The following GALNT18 variants were observed in gnomAD, a reference collection of about 807,000 sequenced individuals.
GALNT18 encodes the protein polypeptide N-acetylgalactosaminyltransferase 18, also known as GalNAc-transferase 18.
GALNT18 carries 44 observed loss-of-function variants against 69.5 expected under a neutral mutation model. The observed-to-expected ratio is 0.63, with a 90% confidence interval of 0.50 to 0.81. The LOEUF (loss-of-function observed/expected upper bound fraction) is 0.81. Among genes scored for constraint, GALNT18 ranks in the 40% least tolerant of loss-of-function variants. GALNT18 has a pLI of 0.00. For synonymous variants in GALNT18, 364 were observed against 318.2 expected (o/e 1.14, Z -1.53); for missense variants, 715 against 810.0 (o/e 0.88, Z 1.42).
At chr11:11,468,160 G>A (rs1288664329) in intron 1 of GALNT18, among the ~76,000 whole-genome samples, 1 of 152,182 alleles carries the variant, frequency 6.6e-6, no homozygotes, top group Admixed American at 6.5e-5. Context: ...CCTTCTTTCA[G>A]ATGTAGTAAT....
chr11:11,333,531 A>T (rs1850055485), intron 7 of GALNT18, among the ~76,000 whole-genome samples: 1 of 152,042 alleles, frequency 6.6e-6, no homozygotes, highest in African/African-American at 2.4e-5. Flanking sequence ...AACCCAATTA[A>T]CCTGGGTCTA....
intron 6 of GALNT18, among the ~76,000 whole-genome samples, chr11:11,369,774 T>C (rs1008501658): frequency 6.6e-6 from 1 of 152,132 alleles, no homozygotes; most frequent in Non-Finnish European, 1.5e-5. Context: ...TAGTAGCTCC[T>C]TCCTTTTTCT....
intron 3 of GALNT18, among the ~76,000 whole-genome samples, chr11:11,388,219 G>A (rs1333541153): frequency 6.6e-6 from 1 of 152,086 alleles, no homozygotes; most frequent in East Asian, 1.9e-4. Flanking sequence ...GTCACAGTAG[G>A]GCATTCGTGG....
rs1001294092 is a variant in GALNT18, at chr11:11,606,819, T to C, written c.235+14540A>G. ...TTCAAATCAGGATCCCTAGACCCTA[T>C]CCAGGGCCTCCAGGACCCAGTAGAG... On this transcript the variant is annotated intron_variant, in intron 1 of 10. Transcript: ENST00000227756. This position sits in a 1 kb window ranked among gnomAD's most constrained non-coding sequence, Gnocchi z 5.4. Among the ~76,000 whole-genome samples, 11 of 152,312 alleles carry C rather than the reference T, an allele frequency of 7.2e-5. No individual in the cohort carries two copies. The highest frequency in any genetic ancestry group is 2.6e-4 in the African/African-American group (11 of 41,568).
rs1859711339 is a variant in GALNT18, at chr11:11,604,876, A to G, written c.235+16483T>C. 6.6e-6 allele frequency among the ~76,000 whole-genome samples: 1 copy of G among 152,118 alleles called. No homozygotes were observed. Among genetic ancestry groups the G allele is most frequent in the African/African-American group, 2.4e-5 (1 of 41,420 alleles). On this transcript the variant is annotated intron_variant, in intron 1 of 10. Coordinates refer to ENST00000227756, the MANE Select transcript of GALNT18 (RefSeq NM_198516.3). The surrounding 1 kb of genome is among the most constrained non-coding windows in gnomAD (Gnocchi z 5.6). The stretch of plus-strand genomic sequence containing the variant: ...AGGCTACACAATCTGTTTGAAATGA[A>G]AAGGAAAATAAAATCACTGCTCTCC...
Position 11,388,072 on chromosome 11 carries a change from C to T in GALNT18, c.596-8808G>A, listed in dbSNP as rs180982349. On this transcript the variant is annotated intron_variant, in intron 3 of 10. Transcript: ENST00000227756. Reference sequence around the variant, plus strand: ...GCCTTAAATAGTTCCCTTACTCAGGCTACAGGGTTCAGGCACACAGTGTTA... The same window carrying T: ...GCCTTAAATAGTTCCCTTACTCAGGTTACAGGGTTCAGGCACACAGTGTTA... Among the ~76,000 whole-genome samples the T allele has an allele frequency of 6.6e-5, 10 of 152,342 alleles. No individual in the cohort carries two copies. The East Asian group carries it at 1.3e-3, about 21-fold the overall frequency.
At chr11:11,609,314 G>A (rs969563518) in intron 1 of GALNT18, among the ~76,000 whole-genome samples, 2 of 151,550 alleles carry the variant, frequency 1.3e-5, no homozygotes, top group Admixed American at 6.6e-5. Context: ...TGCTCTAGCC[G>A]CACTGGCCAC....
In GALNT18 at chr11:11,271,280, A is replaced by G; in HGVS notation, c.1688T>C (p.Ile563Thr). 1 of 1,613,926 alleles carries G rather than the reference A, an allele frequency of 6.2e-7. No homozygotes were observed. The highest frequency in any genetic ancestry group is 8.5e-7 in the Non-Finnish European group (1 of 1,179,860). ...LHWQFSQGGP[I>T]QNRKSKRCLE... ...ACAGCGCTTAGACTTGCGGTTCTGG[A>G]TGGGTCCTCCCTAGGGGCCAGGGCA... is the stretch of plus-strand genomic sequence containing the variant. The change falls in exon 11 of 11, where the codon ATC becomes ACC. Residue 563 changes from isoleucine to threonine, a missense_variant. Coordinates refer to ENST00000227756, the MANE Select transcript of GALNT18 (RefSeq NM_198516.3).
chr11:11,407,323 G>C (rs182757012), intron 3 of GALNT18, among the ~76,000 whole-genome samples: 1 of 152,158 alleles, frequency 6.6e-6, no homozygotes. Context: ...GTGCTGAATC[G>C]CTGAAAGCAC....
intron 9 of GALNT18, among the ~76,000 whole-genome samples, chr11:11,317,025 C>T (rs1299869428): frequency 6.6e-6 from 1 of 152,148 alleles, no homozygotes; most frequent in East Asian, 1.9e-4. Context: ...TGTATGTTTC[C>T]CACCAGAAGA....
At position 11,465,163 on chromosome 11, in the gene GALNT18, G is replaced by A. The variant is rs1856129255; in HGVS notation, c.236-16227C>T. Among the ~76,000 whole-genome samples the A allele has an allele frequency of 6.6e-6, 1 of 152,188 alleles. No homozygotes were observed. Among genetic ancestry groups the A allele is most frequent in the Non-Finnish European group, 1.5e-5 (1 of 68,044 alleles). ...GGGCGAGGTGCCTTGGGATGCCTGA[G>A]GAAGGTCTGTTCCCAGATCCTCAGC... is the stretch of plus-strand genomic sequence containing the variant. On this transcript the variant is annotated intron_variant, in intron 1 of 10. Transcript: ENST00000227756. The surrounding 1 kb of genome is among the most constrained non-coding windows in gnomAD (Gnocchi z 5.7).
At chr11:11,353,197 G>A (rs139538538) in intron 6 of GALNT18, 3 of 1,572,276 alleles carry the variant, frequency 1.9e-6, no homozygotes, top group East Asian at 4.5e-5. Context: ...CAGCTTGGGG[G>A]TAAGACCTTG....
chr11:11,345,042 A>G (rs1434496696), intron 6 of GALNT18, among the ~76,000 whole-genome samples: 1 of 152,078 alleles, frequency 6.6e-6, no homozygotes, highest in Non-Finnish European at 1.5e-5. Context: ...CTGTACACCC[A>G]CCTTTGGGGA....
chr11:11,527,352 C>T (rs780899228), intron 1 of GALNT18, among the ~76,000 whole-genome samples: 5 of 152,158 alleles, frequency 3.3e-5, no homozygotes, highest in Non-Finnish European at 5.9e-5. Flanking sequence ...TTTCTTTTTA[C>T]CCCTGCAGAT....
intron 1 of GALNT18, among the ~76,000 whole-genome samples, chr11:11,594,838 TATAC>T (rs1223810565): frequency 2.3e-4 from 15 of 64,852 alleles, no homozygotes; most frequent in African/African-American, 3.4e-4. Flanking sequence ...TATATATATA[TATAC>T]ACATATACAT....
At chr11:11,367,578 G>T (rs1850800280) in intron 6 of GALNT18, among the ~76,000 whole-genome samples, 1 of 152,158 alleles carries the variant, frequency 6.6e-6, no homozygotes, top group Non-Finnish European at 1.5e-5. Context: ...CTGGTTGCCT[G>T]CTCTGGACAC....
chr11:11,328,518 C>T (rs1849964604), intron 8 of GALNT18, among the ~76,000 whole-genome samples: 1 of 152,064 alleles, frequency 6.6e-6, no homozygotes, highest in Non-Finnish European at 1.5e-5. Flanking sequence ...AACCAGAGGC[C>T]CACGTGTGCT....
rs976588083 is a variant in GALNT18, at chr11:11,555,701, T to C, written c.235+65658A>G. On this transcript the variant is annotated intron_variant, in intron 1 of 10. Transcript: ENST00000227756. This position sits in a 1 kb window ranked among gnomAD's most constrained non-coding sequence, Gnocchi z 4.7. ...ACAGCATTACCAGGGAAGCAAGTAA[T>C]GGTCAAGCCTTCCTGCAAGGGTGCA... Among the ~76,000 whole-genome samples, 2 of 152,186 alleles carry C rather than the reference T, an allele frequency of 1.3e-5. No individual in the cohort carries two copies. The highest frequency in any genetic ancestry group is 4.8e-5 in the African/African-American group (2 of 41,444).
rs1471353404 is a variant in GALNT18, at chr11:11,603,209, A to C, written c.235+18150T>G. On this transcript the variant is annotated intron_variant, in intron 1 of 10. Coordinates refer to ENST00000227756, the MANE Select transcript of GALNT18 (RefSeq NM_198516.3). This position sits in a 1 kb window ranked among gnomAD's most constrained non-coding sequence, Gnocchi z 4.5. Reference sequence around the variant, plus strand: ...GGAGAAAACTGGGCTGTAAACAAATAATACCCAACAGCCAAGACTAAGTGT... The same window carrying C: ...GGAGAAAACTGGGCTGTAAACAAATCATACCCAACAGCCAAGACTAAGTGT... Among the ~76,000 whole-genome samples, 7 of 152,226 alleles carry C rather than the reference A, an allele frequency of 4.6e-5. No individual in the cohort carries two copies. Among genetic ancestry groups the C allele is most frequent in the Non-Finnish European group, 1.0e-4 (7 of 68,044 alleles).
Sources: allele counts gnomAD v4.1 joint callset (sites outside exome capture counted in the v4.1 genomes callset), GRCh38; gene constraint gnomAD v4.1.1; non-coding constraint Gnocchi (gnomAD v3.1); transcripts MANE v1.5; gene names NCBI Gene and HGNC (gene_info 2026-07-23, HGNC 2026-07-21).